Variants in NUP210L observed in about 807,000 individuals in gnomAD.
The protein encoded by NUP210L is nucleoporin 210 like, also known as nuclear pore membrane glycoprotein 210-like.
NUP210L carries 74 observed loss-of-function variants against 208.5 expected under a neutral mutation model. That is an observed-to-expected ratio of 0.35 (90% CI 0.29 to 0.43). The LOEUF (loss-of-function observed/expected upper bound fraction) is 0.43. Ranked by LOEUF, NUP210L falls within the 20% of genes least tolerant of loss-of-function variation. The pLI, the probability that NUP210L is intolerant of heterozygous loss-of-function variation, is 1.00. For synonymous variants in NUP210L, 780 were observed against 816.9 expected (o/e 0.95, Z 0.77); for missense variants, 1,843 against 2,289.4 (o/e 0.81, Z 3.98).
At chr1:154,009,275 T>TA (rs1175587374) in intron 35 of NUP210L, among the ~76,000 whole-genome samples, 1 of 152,116 alleles carries the variant, frequency 6.6e-6, no homozygotes, top group East Asian at 1.9e-4. Flanking sequence ...AAAGTCATCC[T>TA]AACATCATGC....
intron 28 of NUP210L, among the ~76,000 whole-genome samples, chr1:154,029,689 TCAAAA>T (rs1049631807): frequency 6.6e-6 from 1 of 151,908 alleles, no homozygotes; most frequent in Admixed American, 6.6e-5. Context: ...AAACTCCGTC[TCAAAA>T]CAAAACAAAA....
intron 33 of NUP210L, among the ~76,000 whole-genome samples, chr1:154,014,792 C>T (rs1651147318): frequency 6.6e-6 from 1 of 152,030 alleles, no homozygotes; most frequent in Non-Finnish European, 1.5e-5. Context: ...TCATTTCAGG[C>T]CAGGAGTTTG....
chr1:154,034,753 C>G (rs914132481), intron 27 of NUP210L, among the ~76,000 whole-genome samples: 2 of 151,314 alleles, frequency 1.3e-5, no homozygotes, highest in African/African-American at 4.9e-5. Context: ...TTATCTATTT[C>G]TTCTAGGTTT....
intron 12 of NUP210L, among the ~76,000 whole-genome samples, chr1:154,104,976 TAGAGGAGAGG>T (rs774883425): frequency 6.6e-6 from 1 of 151,996 alleles, no homozygotes; most frequent in Non-Finnish European, 1.5e-5. Context: ...TTCTTCCTAC[TAGAGGAGAGG>T]AGAGGAGAGG....
intron 25 of NUP210L, among the ~76,000 whole-genome samples, chr1:154,052,428 T>C (rs1215800306): frequency 4.6e-5 from 7 of 152,142 alleles, no homozygotes; most frequent in African/African-American, 1.7e-4. Flanking sequence ...CACAGCCACC[T>C]ACCCGGGGAC....
At chr1:153,992,779 CGAG>C in exon 40 of NUP210L, 1 of 1,183,958 alleles carries the variant, frequency 8.4e-7, no homozygotes, top group Non-Finnish European at 1.2e-6. Context: ...GGCTTCTTGT[CGAG>C]GACTAGAAAT....
At chr1:154,115,458 A>T (rs1367269076) in intron 12 of NUP210L, among the ~76,000 whole-genome samples, 1 of 152,184 alleles carries the variant, frequency 6.6e-6, no homozygotes, top group African/African-American at 2.4e-5. Context: ...GAAGCACTCT[A>T]AATTTGACCT....
intron 27 of NUP210L, 106 bp from the exon 28 acceptor site, chr1:154,030,160 A>T: frequency 1.3e-6 from 1 of 772,670 alleles, no homozygotes; most frequent in Non-Finnish European, 1.9e-6. Flanking sequence ...TTAAAAATAA[A>T]AAGTCAGGAA....
At chr1:154,116,873 G>A (rs1657359086) in intron 12 of NUP210L, among the ~76,000 whole-genome samples, 1 of 152,124 alleles carries the variant, frequency 6.6e-6, no homozygotes, top group African/African-American at 2.4e-5. Context: ...AAAATCATAT[G>A]TATAACTATA....
intron 27 of NUP210L, among the ~76,000 whole-genome samples, chr1:154,042,473 C>T (rs1652938323): frequency 6.6e-6 from 1 of 152,082 alleles, no homozygotes; most frequent in Admixed American, 6.6e-5. Flanking sequence ...GTCGCCCAGG[C>T]TGGAGTGCAG....
At chr1:154,100,489 G>A (rs577348498) in intron 13 of NUP210L, among the ~76,000 whole-genome samples, 65 of 147,388 alleles carry the variant, frequency 4.4e-4, no homozygotes, top group African/African-American at 1.5e-3. Flanking sequence ...TTTCAGTGGG[G>A]TAACAAGCAG....
At chr1:153,992,774 C>T (rs1571138217) in exon 40 of NUP210L, 2 of 1,137,522 alleles carry the variant, frequency 1.8e-6, no homozygotes, top group East Asian at 2.4e-5. Flanking sequence ...TGTTAGGCTT[C>T]TTGTCGAGGA....
intron 16 of NUP210L, among the ~76,000 whole-genome samples, chr1:154,072,481 T>C (rs982479269): frequency 2.4e-4 from 36 of 151,982 alleles, no homozygotes; most frequent in Admixed American, 6.6e-4. Flanking sequence ...TACAGGCGTC[T>C]GCCACCACGA....
chr1:154,112,667 G>A (rs1657100255), intron 12 of NUP210L, among the ~76,000 whole-genome samples: 2 of 151,972 alleles, frequency 1.3e-5, no homozygotes, highest in Non-Finnish European at 2.9e-5. Flanking sequence ...TCCACCCTGG[G>A]CAATATAGGG....
chr1:153,998,077 CT>C (rs954734716), intron 37 of NUP210L, among the ~76,000 whole-genome samples: 7 of 151,628 alleles, frequency 4.6e-5, no homozygotes, highest in African/African-American at 1.5e-4. Context: ...TCTGTGGATT[CT>C]TTTTTTTCTC....
In NUP210L at chr1:153,993,005, G is replaced by T. The variant is rs746103463; in HGVS notation, c.5566+10C>A. On this transcript the variant is annotated intron_variant, in intron 39 of 39. Transcript: ENST00000368559. ...GAGCTTTTCAAAGATGAGGACAGAG[G>T]CTTTTTTACCTGGCTGTGGTGTTCC... is the stretch of plus-strand genomic sequence containing the variant. The T allele has an allele frequency of 3.1e-6, 5 of 1,612,514 alleles. No individual in the cohort carries two copies. The African/African-American group carries it at 6.7e-5, about 22-fold the overall frequency.
intron 7 of NUP210L, among the ~76,000 whole-genome samples, chr1:154,130,095 T>C (rs1362372559): frequency 6.6e-6 from 1 of 152,030 alleles, no homozygotes; most frequent in Non-Finnish European, 1.5e-5. Context: ...TCCCAGCACT[T>C]TGGGAGGCCG....
chr1:154,097,241 T>C (rs1656223074), intron 14 of NUP210L, among the ~76,000 whole-genome samples: 1 of 151,960 alleles, frequency 6.6e-6, no homozygotes, highest in African/African-American at 2.4e-5. Flanking sequence ...AAGGACAAAT[T>C]GAGAACTGTA....
intron 33 of NUP210L, 74 bp downstream of exon 33, chr1:154,018,859 A>G: frequency 2.0e-6 from 3 of 1,511,332 alleles, no homozygotes; most frequent in South Asian, 2.4e-5. Flanking sequence ...CCTAAGATGT[A>G]TTTTCTCTAT....
Sources: allele counts gnomAD v4.1 joint callset (sites outside exome capture counted in the v4.1 genomes callset), GRCh38; gene constraint gnomAD v4.1.1; transcripts MANE v1.5; gene names NCBI Gene and HGNC (gene_info 2026-07-23, HGNC 2026-07-21).